The following SLC16A9 variants were observed in gnomAD, a reference collection of about 807,000 sequenced individuals.
SLC16A9 encodes monocarboxylate transporter 9.
Under a neutral mutation model 44.3 loss-of-function variants are expected in SLC16A9, and 26 were observed. The observed-to-expected ratio is 0.59, with a 90% CI of 0.43 to 0.81. SLC16A9 has a LOEUF of 0.81. SLC16A9 is among the 40% of genes least tolerant of loss of function. The pLI, the probability that SLC16A9 is intolerant of heterozygous loss-of-function variation, is 0.00. For synonymous variants in SLC16A9, 230 were observed against 225.1 expected (o/e 1.02, Z -0.19); for missense variants, 559 against 595.8 (o/e 0.94, Z 0.64).
At chr10:59,660,374 T>C (rs185013267) in intron 4 of SLC16A9, among the ~76,000 whole-genome samples, 2 of 152,196 alleles carry the variant, frequency 1.3e-5, no homozygotes, top group Admixed American at 1.3e-4. Context: ...TATAAACACC[T>C]CTACACAAGT....
intron 1 of SLC16A9, among the ~76,000 whole-genome samples, chr10:59,702,129 A>T (rs566942646): frequency 1.2e-4 from 19 of 152,342 alleles, no homozygotes; most frequent in African/African-American, 4.6e-4. Flanking sequence ...TATTCAAATG[A>T]TTAATCAAAG....
At chr10:59,689,964 T>G (rs552735208) in intron 1 of SLC16A9, among the ~76,000 whole-genome samples, 41 of 152,316 alleles carry the variant, frequency 2.7e-4, no homozygotes, top group Admixed American at 7.2e-4. Context: ...AATTCCAAAT[T>G]AACTAAAACT....
intron 3 of SLC16A9, among the ~76,000 whole-genome samples, chr10:59,668,738 T>C (rs1182933096): frequency 6.6e-6 from 1 of 152,240 alleles, no homozygotes; most frequent in Admixed American, 6.5e-5. Context: ...TATATTGGTA[T>C]ACTTTTTTCA....
intron 1 of SLC16A9, among the ~76,000 whole-genome samples, chr10:59,694,087 G>A (rs1354443077): frequency 1.3e-5 from 2 of 151,892 alleles, no homozygotes; most frequent in East Asian, 1.9e-4. Context: ...ACAGGCGCCC[G>A]CCACCACGCC....
chr10:59,690,653 T>G (rs1471881266), intron 1 of SLC16A9, among the ~76,000 whole-genome samples: 1 of 152,018 alleles, frequency 6.6e-6, no homozygotes, highest in African/African-American at 2.4e-5. Context: ...CAAAACAAGA[T>G]TAGAAAAATG....
At chr10:59,663,719 G>T (rs1001770244) in intron 4 of SLC16A9, among the ~76,000 whole-genome samples, 1 of 151,918 alleles carries the variant, frequency 6.6e-6, no homozygotes, top group South Asian at 2.1e-4. Flanking sequence ...TAACAAAACT[G>T]CATGTTCTGC....
rs1215798500 is a variant in SLC16A9, at chr10:59,652,477, C to G, written c.*295G>C. ...ATTATACTTCTTTACACAGAGAAAG[C>G]CTTCTGAGGCTGGTCAAACTTTTTA... On this transcript the variant is annotated 3_prime_UTR_variant, in exon 6 of 6. Coordinates refer to ENST00000395348, the MANE Select transcript of SLC16A9 (RefSeq NM_194298.3). The G allele has an allele frequency of 4.6e-6, 1 of 219,284 alleles. No homozygotes were observed. The highest frequency in any genetic ancestry group is 8.9e-6 in the Non-Finnish European group (1 of 112,814). The allele number at this position is 219,284 out of a possible 1,614,324, so 13.6% of individuals were successfully genotyped here. A position where few individuals can be genotyped will look rare whatever the true frequency, so the allele number is the denominator to read the frequency against.
Position 59,709,681 on chromosome 10 carries a change from G to A in SLC16A9, c.-239C>T, listed in dbSNP as rs1423910627. On this transcript the variant is annotated 5_prime_UTR_variant, in exon 1 of 6. Transcript: ENST00000395348. ...ATCGGTCCCGCTACGCGCTGCCCCG[G>A]GAGCCGCCGCCCTCTGCCCCCACAG... The A allele has an allele frequency of 6.6e-6, 1 of 152,318 alleles. No individual in the cohort carries two copies. Among genetic ancestry groups the A allele is most frequent in the Non-Finnish European group, 1.5e-5 (1 of 68,198 alleles). 9.4% of individuals were successfully genotyped at this position (152,318 alleles called of 1,614,324 possible).
intron 4 of SLC16A9, among the ~76,000 whole-genome samples, chr10:59,658,835 C>G (rs7899607): frequency 0.013 from 1,963 of 152,268 alleles, 54 homozygotes; most frequent in African/African-American, 0.045. Context: ...AAATATACAG[C>G]TGGATTCAAT....
At chr10:59,676,598 C>G (rs1365184082) in intron 2 of SLC16A9, among the ~76,000 whole-genome samples, 1 of 152,084 alleles carries the variant, frequency 6.6e-6, no homozygotes, top group Non-Finnish European at 1.5e-5. Flanking sequence ...GCAAGGGTTC[C>G]TAATGTTTTA....
At chr10:59,693,321 T>A (rs1840292620) in intron 1 of SLC16A9, among the ~76,000 whole-genome samples, 1 of 152,218 alleles carries the variant, frequency 6.6e-6, no homozygotes, top group Non-Finnish European at 1.5e-5. Context: ...CTTTAAAAGT[T>A]ATAGTCACTA....
At chr10:59,668,745 T>C (rs562060092) in intron 3 of SLC16A9, among the ~76,000 whole-genome samples, 1 of 152,352 alleles carries the variant, frequency 6.6e-6, no homozygotes, top group Non-Finnish European at 1.5e-5. Context: ...GTATACTTTT[T>C]TCATTTTTCA....
At position 59,672,778 on chromosome 10, in the gene SLC16A9, A is replaced by G. The variant is rs751166706; in HGVS notation, c.332T>C (p.Ile111Thr). ...GTGACGAGGTTCCTTACCTACAACA[A>G]TGCCATAGGAAAAAAACAGAAAGTA... ...NIYFLFFSYG[I>T]VVGLGCGLLY... The change falls in exon 3 of 6, where the codon ATT becomes ACT. Residue 111 changes from isoleucine to threonine, a missense_variant. Coordinates refer to ENST00000395348, the MANE Select transcript of SLC16A9 (RefSeq NM_194298.3). The G allele has an allele frequency of 2.0e-5, 33 of 1,613,040 alleles. No homozygotes were observed. In the Middle Eastern group the frequency reaches 4.9e-4, roughly 24 times the overall value.
intron 2 of SLC16A9, among the ~76,000 whole-genome samples, chr10:59,676,846 C>T (rs749553221): frequency 3.3e-5 from 5 of 149,408 alleles, no homozygotes; most frequent in Admixed American, 6.7e-5. Flanking sequence ...TTGCATGAAC[C>T]GGGAAGGTGG....
chr10:59,653,641 G>T lies in SLC16A9; in HGVS notation c.1351+34C>A, dbSNP rs148451207. 1.3e-3 allele frequency: 2,028 copies of T among 1,565,786 alleles called. 24 individuals carry two copies. The African/African-American group carries it at 0.026, about 20-fold the overall frequency. ...TCTGGAGATATGACAAGGAAGAACAGTAAAATGGGATGATTTTAAGATAAA... is the reference window on the plus strand; with the variant it reads ...TCTGGAGATATGACAAGGAAGAACATTAAAATGGGATGATTTTAAGATAAA... On this transcript the variant is annotated intron_variant, in intron 5 of 5. Coordinates refer to ENST00000395348, the MANE Select transcript of SLC16A9 (RefSeq NM_194298.3).
intron 3 of SLC16A9, 38 bp from the exon 4 acceptor site, chr10:59,664,360 C>A: frequency 2.1e-6 from 3 of 1,399,114 alleles, no homozygotes; most frequent in Non-Finnish European, 3.0e-6. Context: ...TAAGACGCTG[C>A]ATTACTTCAA....
chr10:59,681,098 G>A (rs185140099), intron 2 of SLC16A9, among the ~76,000 whole-genome samples: 23 of 152,206 alleles, frequency 1.5e-4, no homozygotes, highest in African/African-American at 4.3e-4. Flanking sequence ...TGGTCCCATA[G>A]ATGATCCTAA....
Position 59,652,969 on chromosome 10 carries a change from A to G in SLC16A9, c.1352-19T>C. On this transcript the variant is annotated intron_variant, in intron 5 of 5. Transcript: ENST00000395348. ...AACCAACCTGAAAAGGCAGTAAGAAAAAAAGTAAGTTTCATGGAAATAGTA... is the reference window on the plus strand; with the variant it reads ...AACCAACCTGAAAAGGCAGTAAGAAGAAAAGTAAGTTTCATGGAAATAGTA... The G allele has an allele frequency of 6.3e-7, 1 of 1,588,340 alleles. No individual in the cohort carries two copies. The highest frequency in any genetic ancestry group is 8.5e-7 in the Non-Finnish European group (1 of 1,169,646).
In SLC16A9 at chr10:59,652,182, T is replaced by C. The variant is rs1839217472; in HGVS notation, c.*590A>G. On this transcript the variant is annotated 3_prime_UTR_variant, in exon 6 of 6. Transcript: ENST00000395348. ...GAGTACTTCAGTGAGGTAAATAGAA[T>C]AATGAAAACTGGTGACTGTAGGTTA... The C allele has an allele frequency of 6.6e-6, 1 of 152,196 alleles. No homozygotes were observed. Among genetic ancestry groups the C allele is most frequent in the Admixed American group, 6.5e-5 (1 of 15,276 alleles). 9.4% of individuals were successfully genotyped at this position (152,196 alleles called of 1,614,324 possible).
Sources: allele counts gnomAD v4.1 joint callset (sites outside exome capture counted in the v4.1 genomes callset), GRCh38; gene constraint gnomAD v4.1.1; transcripts MANE v1.5; gene names NCBI Gene and HGNC (gene_info 2026-07-23, HGNC 2026-07-21).